GABPA: variants seen among roughly 807,000 people sequenced by gnomAD.
GABPA encodes the protein GA binding protein transcription factor subunit alpha, also known as GA-binding protein alpha chain.
In GABPA, 4 loss-of-function variants were observed where a neutral mutation model predicts 59.4. That is an observed-to-expected ratio of 0.07 (90% CI 0.03 to 0.15). The LOEUF (loss-of-function observed/expected upper bound fraction) is 0.15, where lower values mean the gene tolerates loss of function less well. GABPA is among the 10% of genes least tolerant of loss of function. The probability of loss-of-function intolerance (pLI) is 1.00; values close to 1 mark genes in which losing one functional copy is unlikely to be tolerated. For synonymous variants in GABPA, 164 were observed against 183.1 expected (o/e 0.90, Z 0.84); for missense variants, 251 against 543.8 (o/e 0.46, Z 5.36).
Position 25,764,212 on chromosome 21 carries a change from G to A in GABPA, c.805G>A (p.Val269Met), listed in dbSNP as rs575740253. ...MNEIVTIDQP[V>M]QIIPASVQSA... The stretch of plus-strand genomic sequence containing the variant: ...TTTCTCCTTGTCTGTCTTTGCAGCT[G>A]TGCAAATTATTCCAGCATCAGTGCA... The change falls in exon 8 of 10, where the codon GTG becomes ATG. Residue 269 changes from valine (V) to methionine (M), a missense_variant and splice_region_variant. This residue lies in a region of GABPA where 207 missense variants were observed against 366.7 expected (regional missense o/e 0.56). Coordinates refer to ENST00000400075, the MANE Select transcript of GABPA (RefSeq NM_002040.4). 26 of 1,589,074 alleles carry A rather than the reference G, an allele frequency of 1.6e-5. No homozygotes were observed. The South Asian group carries it at 2.1e-4, about 13-fold the overall frequency.
chr21:25,748,587 G>A (rs1015838793), intron 3 of GABPA, among the ~76,000 whole-genome samples: 1 of 152,122 alleles, frequency 6.6e-6, no homozygotes, highest in Non-Finnish European at 1.5e-5. Flanking sequence ...GAGAGATTTA[G>A]AGTAAACCCT....
At chr21:25,752,270 AT>A (rs1471738564) in intron 5 of GABPA, 36 bp downstream of exon 5, 1 of 1,600,966 alleles carries the variant, frequency 6.2e-7, no homozygotes. Flanking sequence ...GGGTAGAATA[AT>A]AGGAATTAAG....
chr21:25,746,657 A>G (rs890326338), intron 3 of GABPA, among the ~76,000 whole-genome samples: 9 of 152,292 alleles, frequency 5.9e-5, no homozygotes, highest in African/African-American at 1.9e-4. Context: ...GCATGTGGGA[A>G]AGTCTAGTAG....
intron 1 of GABPA, among the ~76,000 whole-genome samples, chr21:25,737,974 G>A (rs868340809): frequency 2.0e-5 from 3 of 152,220 alleles, no homozygotes; most frequent in South Asian, 4.2e-4. Flanking sequence ...TAGACACTTG[G>A]ATTGGCACCA....
chr21:25,762,267 T>C (rs776759627), intron 6 of GABPA, 45 bp from the exon 7 acceptor site: 2 of 1,032,356 alleles, frequency 1.9e-6, no homozygotes, highest in Admixed American at 4.3e-5. Context: ...GGGGTTTTTA[T>C]ATTTTTGGTT....
At chr21:25,749,006 A>T in intron 3 of GABPA, 30 bp from the exon 4 acceptor site, 1 of 1,407,024 alleles carries the variant, frequency 7.1e-7, no homozygotes, top group Non-Finnish European at 1.0e-6. Flanking sequence ...ATTGCACTGA[A>T]ATAATCTTAC....
intron 1 of GABPA, among the ~76,000 whole-genome samples, chr21:25,741,364 G>A (rs1360234759): frequency 6.6e-6 from 1 of 151,796 alleles, no homozygotes; most frequent in Non-Finnish European, 1.5e-5. Context: ...AAACTCCTGG[G>A]CTCAAGCAAT....
chr21:25,762,879 G>A (rs914359814), intron 7 of GABPA: 12 of 257,858 alleles, frequency 4.7e-5, no homozygotes, highest in Non-Finnish European at 3.9e-5. Context: ...AAAGTATACA[G>A]TTGTATACAT....
In GABPA at chr21:25,735,076, T is replaced by C. The variant is rs1238968724; in HGVS notation, c.-529T>C. 1.0e-6 allele frequency: 1 copy of C among 1,001,824 alleles called. No individual in the cohort carries two copies. The highest frequency in any genetic ancestry group is 1.5e-6 in the Non-Finnish European group (1 of 658,860). The allele number at this position is 1,001,824 out of a possible 1,614,324, so 62.1% of individuals were successfully genotyped here. A position where few individuals can be genotyped will look rare whatever the true frequency, so the allele number is the denominator to read the frequency against. Reference sequence around the variant, plus strand: ...ACAGGAGGAGGAAGTGGAGGGTAAGTGCTTCCGGGTCCCCTGGCACAGCCT... The same window carrying C: ...ACAGGAGGAGGAAGTGGAGGGTAAGCGCTTCCGGGTCCCCTGGCACAGCCT... On this transcript the variant is annotated 5_prime_UTR_variant, in exon 1 of 10. Coordinates refer to ENST00000400075, the MANE Select transcript of GABPA (RefSeq NM_002040.4).
At chr21:25,749,688 G>C (rs1391850586) in intron 4 of GABPA, among the ~76,000 whole-genome samples, 2 of 152,152 alleles carry the variant, frequency 1.3e-5, no homozygotes, top group Non-Finnish European at 2.9e-5. Context: ...AGAATAAGCT[G>C]GGTGTGGTGG....
At chr21:25,742,332 G>T (rs1248577852) in intron 2 of GABPA, among the ~76,000 whole-genome samples, 1 of 150,738 alleles carries the variant, frequency 6.6e-6, no homozygotes. Context: ...GAAGTAGGAG[G>T]TGAGATAATA....
intron 9 of GABPA, among the ~76,000 whole-genome samples, chr21:25,766,547 C>A (rs758513262): frequency 6.6e-5 from 10 of 151,840 alleles, no homozygotes; most frequent in Non-Finnish European, 1.5e-4. Context: ...TGAATAGACA[C>A]CTCAGGCTAG....
intron 6 of GABPA, among the ~76,000 whole-genome samples, chr21:25,758,473 A>G (rs1160138655): frequency 6.6e-6 from 1 of 152,222 alleles, no homozygotes; most frequent in Non-Finnish European, 1.5e-5. Flanking sequence ...TGGCAGAGCC[A>G]GGATTCAAGC....
intron 5 of GABPA, 85 bp from the exon 6 acceptor site, chr21:25,757,925 G>A (rs917913796): frequency 4.2e-6 from 2 of 472,830 alleles, no homozygotes; most frequent in South Asian, 4.5e-5. Context: ...ACATCTGTGT[G>A]TATGTGTGTG....
At chr21:25,752,466 G>C (rs2035537689) in intron 5 of GABPA, 1 of 494,322 alleles carries the variant, frequency 2.0e-6, no homozygotes, top group African/African-American at 1.9e-5. Flanking sequence ...TTAGGGTGTT[G>C]AGAGTGTAGT....
intron 2 of GABPA, among the ~76,000 whole-genome samples, chr21:25,743,016 C>T (rs2035264286): frequency 6.6e-6 from 1 of 151,744 alleles, no homozygotes; most frequent in Non-Finnish European, 1.5e-5. Flanking sequence ...GTGGATCTGT[C>T]TCGGGTATTT....
intron 7 of GABPA, 68 bp downstream of exon 7, chr21:25,762,433 A>G: frequency 3.4e-6 from 4 of 1,171,100 alleles, no homozygotes; most frequent in Non-Finnish European, 4.9e-6. Context: ...GCAAGGTAAT[A>G]AAAAGGAAAA....
intron 3 of GABPA, 26 bp downstream of exon 3, chr21:25,745,380 A>G (rs369144013): frequency 3.7e-6 from 6 of 1,607,256 alleles, no homozygotes; most frequent in South Asian, 1.1e-5. Context: ...GTAAATTTCT[A>G]TTGCAACATT....
intron 9 of GABPA, among the ~76,000 whole-genome samples, chr21:25,768,546 C>T (rs2035945658): frequency 6.6e-6 from 1 of 151,962 alleles, no homozygotes; most frequent in African/African-American, 2.4e-5. Context: ...CTTTAATCCT[C>T]AACAATGATA....
Sources: allele counts gnomAD v4.1 joint callset (sites outside exome capture counted in the v4.1 genomes callset), GRCh38; gene constraint gnomAD v4.1.1; regional missense constraint gnomAD v4.1.1; transcripts MANE v1.5; gene names NCBI Gene and HGNC (gene_info 2026-07-23, HGNC 2026-07-21).